The following ERI1 variants were observed in gnomAD, a reference collection of about 807,000 sequenced individuals.
ERI1 encodes the protein exoribonuclease 1.
In ERI1, 39 loss-of-function variants were observed where a neutral mutation model predicts 39.7. The ratio of observed to expected loss-of-function variants is 0.98; its 90% confidence interval spans 0.76 to 1.28. ERI1 has a LOEUF of 1.28. Ranked by LOEUF, ERI1 falls within the 50% of genes most tolerant of loss-of-function variation. The pLI is 0.00. For missense variants in ERI1, 581 were observed against 416.9 expected, an observed-to-expected ratio of 1.39 and a Z score of -3.43; for synonymous variants, 204 against 149.6, an observed-to-expected ratio of 1.36 and a Z score of -2.65.
chr8:9,058,482 G>T (rs1156309533), intron 3 of ERI1, among the ~76,000 whole-genome samples: 2 of 152,218 alleles, frequency 1.3e-5, no homozygotes, highest in Non-Finnish European at 2.9e-5. Flanking sequence ...TGTTAATGAG[G>T]TGATGAATAA....
chr8:9,052,189 A>G (rs570966219), intron 3 of ERI1, among the ~76,000 whole-genome samples: 3 of 152,218 alleles, frequency 2.0e-5, no homozygotes, highest in South Asian at 2.1e-4. Flanking sequence ...CTTATCCTCT[A>G]TGGGACGTTT....
intron 3 of ERI1, among the ~76,000 whole-genome samples, chr8:9,063,512 C>A (rs1291718363): frequency 6.6e-6 from 1 of 151,896 alleles, no homozygotes; most frequent in East Asian, 1.9e-4. Context: ...GGACCTAGCT[C>A]GGCCTGGCAA....
At chr8:9,060,138 G>A (rs182467211) in intron 3 of ERI1, among the ~76,000 whole-genome samples, 18 of 152,226 alleles carry the variant, frequency 1.2e-4, no homozygotes, top group Admixed American at 3.9e-4. Context: ...TAAGGGGTAC[G>A]AAGTTTCCAC....
intron 3 of ERI1, among the ~76,000 whole-genome samples, chr8:9,065,843 T>A (rs533638991): frequency 2.0e-5 from 3 of 152,262 alleles, no homozygotes; most frequent in Admixed American, 2.0e-4. Flanking sequence ...TCCTTTTTCC[T>A]CTCCTGTTGC....
chr8:9,072,665 C>T (rs751157359), intron 3 of ERI1: 6 of 152,048 alleles, frequency 3.9e-5, no homozygotes, highest in Non-Finnish European at 8.8e-5. Flanking sequence ...TAAATCAGCC[C>T]TTTGATTTAA....
intron 3 of ERI1, among the ~76,000 whole-genome samples, chr8:9,074,719 G>A (rs1355968419): frequency 2.0e-5 from 3 of 152,202 alleles, no homozygotes; most frequent in African/African-American, 7.2e-5. Context: ...ACAGGCGTGA[G>A]CCACTGCGCC....
chr8:9,066,645 G>A (rs898962819), intron 3 of ERI1, among the ~76,000 whole-genome samples: 5 of 152,058 alleles, frequency 3.3e-5, no homozygotes, highest in African/African-American at 7.2e-5. Context: ...TATGAGTGCC[G>A]GTCATTGTTT....
At chr8:9,009,935 T>G (rs1157740555) in intron 2 of ERI1, among the ~76,000 whole-genome samples, 1 of 152,236 alleles carries the variant, frequency 6.6e-6, no homozygotes, top group Non-Finnish European at 1.5e-5. Flanking sequence ...GTGAAGGAAC[T>G]CTATGCTGAA....
At chr8:9,028,353 G>T (rs1204947045) in intron 6 of ERI1, among the ~76,000 whole-genome samples, 1 of 152,110 alleles carries the variant, frequency 6.6e-6, no homozygotes, top group Non-Finnish European at 1.5e-5. Context: ...CCAGTGTGTT[G>T]GGCAAACTAT....
At chr8:9,066,516 C>T (rs1180244286) in intron 3 of ERI1, among the ~76,000 whole-genome samples, 1 of 152,164 alleles carries the variant, frequency 6.6e-6, no homozygotes, top group Non-Finnish European at 1.5e-5. Flanking sequence ...ATTTTGTGTT[C>T]ACCTGGCCTT....
At chr8:9,012,258 A>C (rs1816751309) in intron 3 of ERI1, among the ~76,000 whole-genome samples, 1 of 152,228 alleles carries the variant, frequency 6.6e-6, no homozygotes, top group Non-Finnish European at 1.5e-5. Flanking sequence ...TGGAAAGTTT[A>C]AGGGTGAAAT....
At chr8:9,021,395 C>T (rs1231023415) in intron 6 of ERI1, among the ~76,000 whole-genome samples, 1 of 152,098 alleles carries the variant, frequency 6.6e-6, no homozygotes, top group Non-Finnish European at 1.5e-5. Flanking sequence ...TCCTTTAATT[C>T]TCATGCATTA....
rs190448358 is a variant in ERI1 at position 9,021,417 on chromosome 8, A to G, written c.807+953A>G. On this transcript the variant is annotated intron_variant, in intron 6 of 6. Transcript: ENST00000250263. ...ATTCTCATGCATTAGATACTATGTC[A>G]TTTTTCTCCCTTTACAGTTTCATTT... is the stretch of plus-strand genomic sequence containing the variant. 2.8e-4 allele frequency among the ~76,000 whole-genome samples: 42 copies of G among 152,102 alleles called. No homozygotes were observed. The East Asian group carries it at 7.3e-3, about 27-fold the overall frequency.
chr8:9,064,484 G>C (rs1798806380), intron 3 of ERI1, among the ~76,000 whole-genome samples: 1 of 140,958 alleles, frequency 7.1e-6, no homozygotes, highest in Non-Finnish European at 1.5e-5. Flanking sequence ...CCGGAGTTTT[G>C]GGTCCACGGA....
chr8:9,003,183 ACC>A lies in ERI1; in HGVS notation c.108+14_108+15del. On this transcript the variant is annotated intron_variant, in intron 1 of 6. Transcript: ENST00000250263. Reference sequence around the variant, plus strand: ...GTCCCAGTCCCGAGGTGAGGAGTCGACCCGCGCCTGGCTGTTGGCGCCAGCTG... The same window carrying A: ...GTCCCAGTCCCGAGGTGAGGAGTCGACGCGCCTGGCTGTTGGCGCCAGCTG... The A allele has an allele frequency of 8.1e-7, 1 of 1,238,166 alleles. No homozygotes were observed. 76.7% of individuals were successfully genotyped at this position (1,238,166 alleles called of 1,614,324 possible).
At chr8:9,024,881 C>T (rs536667159) in intron 6 of ERI1, among the ~76,000 whole-genome samples, 1 of 151,908 alleles carries the variant, frequency 6.6e-6, no homozygotes, top group South Asian at 2.1e-4. Context: ...AAGATAAGCT[C>T]ACATGGATTC....
At chr8:9,072,525 A>C (rs1799083974) in intron 3 of ERI1, 2 of 152,086 alleles carry the variant, frequency 1.3e-5, no homozygotes, top group Non-Finnish European at 2.9e-5. Flanking sequence ...GCGATTTCAG[A>C]ACGTTTAATC....
At chr8:9,045,831 C>T (rs1238873830) in intron 3 of ERI1, among the ~76,000 whole-genome samples, 1 of 151,772 alleles carries the variant, frequency 6.6e-6, no homozygotes, top group African/African-American at 2.4e-5. Context: ...CATGCATCAC[C>T]ACGCCTGGCT....
At chr8:9,015,757 G>C (rs985670406) in intron 3 of ERI1, among the ~76,000 whole-genome samples, 32 of 142,278 alleles carry the variant, frequency 2.2e-4, no homozygotes, top group Middle Eastern at 3.8e-3. Flanking sequence ...CATCGTGAAA[G>C]CTTCTTGAAA....
Sources: allele counts gnomAD v4.1 joint callset (sites outside exome capture counted in the v4.1 genomes callset), GRCh38; gene constraint gnomAD v4.1.1; transcripts MANE v1.5; gene names NCBI Gene and HGNC (gene_info 2026-07-23, HGNC 2026-07-21).